Variants in CD46 observed in about 807,000 individuals in gnomAD.
CD46 encodes CD46 molecule.
CD46 carries 30 observed loss-of-function variants against 53.3 expected under a neutral mutation model. The ratio of observed to expected loss-of-function variants is 0.56; its 90% CI spans 0.42 to 0.76. The LOEUF is 0.76. Among genes scored for constraint, CD46 ranks in the 30% least tolerant of loss-of-function variants. The pLI is 0.00. For synonymous variants in CD46, 142 were observed against 152.0 expected (o/e 0.93, Z 0.48); for missense variants, 409 against 463.0 (o/e 0.88, Z 1.07).
chr1:207,756,014 G>T (rs1466712730), intron 1 of CD46, among the ~76,000 whole-genome samples: 1 of 152,150 alleles, frequency 6.6e-6, no homozygotes, highest in Non-Finnish European at 1.5e-5. Context: ...AGTTACCTGA[G>T]AGATCCATGC....
Position 207,779,913 on chromosome 1 carries a change from C to CTTTTTTTTTTTTTTTTTTTTTT in CD46, c.944-3360_944-3359insTTTTTTTTTTTTTTTTTTTTTT, listed in dbSNP as rs66758503. ...TTCTATTCTTGTAGCAAAAGCAAGTCTTTTTTTTTTTTTTTTTTTACTGTA... is the reference window on the plus strand; with the variant it reads ...TTCTATTCTTGTAGCAAAAGCAAGTCTTTTTTTTTTTTTTTTTTTTTTTTTTTTTTTTTTTTTTTTTACTGTA... On this transcript the variant is annotated intron_variant, in intron 8 of 12. Transcript: ENST00000367042. Among the ~76,000 whole-genome samples the CTTTTTTTTTTTTTTTTTTTTTT allele has an allele frequency of 1.9e-3, 120 of 62,384 alleles. 23 individuals carry two copies. The highest frequency in any genetic ancestry group is 4.9e-3 in the East Asian group (6 of 1,224). The allele number at this position is 62,384 out of a possible 152,430, so 40.9% of individuals were successfully genotyped here.
At position 207,785,105 on chromosome 1, in the gene CD46, A is replaced by G. The variant is rs747454457; in HGVS notation, c.1017A>G (p.Ile339Met). 6.2e-7 allele frequency: 1 copy of G among 1,611,048 alleles called. No individual in the cohort carries two copies. Among genetic ancestry groups the G allele is most frequent in the East Asian group, 2.2e-5 (1 of 44,854 alleles). ...TCATTGCTGTGATTGTTATTGCCAT[A>G]GGTAAGTATCACAAATTTTGACACC... Reference protein sequence around the residue: ...VWVIAVIVIAIVVGVAVICVV... With the variant: ...VWVIAVIVIAMVVGVAVICVV... The change falls in exon 10 of 13, where the codon ATA (isoleucine) becomes ATG (methionine). Residue 339 changes from isoleucine (I) to methionine (M), a missense_variant and splice_region_variant. Coordinates refer to ENST00000367042, the MANE Select transcript of CD46 (RefSeq NM_172351.3).
intron 11 of CD46, among the ~76,000 whole-genome samples, chr1:207,787,741 T>C (rs923113490): frequency 2.0e-5 from 3 of 152,224 alleles, no homozygotes; most frequent in Non-Finnish European, 4.4e-5. Context: ...ACATACTCGA[T>C]TGGAAATTCA....
intron 1 of CD46, among the ~76,000 whole-genome samples, chr1:207,756,410 A>G (rs1047866080): frequency 3.3e-5 from 5 of 152,240 alleles, no homozygotes; most frequent in Non-Finnish European, 5.9e-5. Context: ...TTAGCACAAC[A>G]TGAATCCAAA....
Position 207,788,028 on chromosome 1 carries a change from A to G in CD46, c.1083-2225A>G, listed in dbSNP as rs536748012. ...CTGCTGCTGTGCCTGGGCTACACTGACCAGGGTGTTGCCCACTACTGATGT... is the reference window on the plus strand; with the variant it reads ...CTGCTGCTGTGCCTGGGCTACACTGGCCAGGGTGTTGCCCACTACTGATGT... On this transcript the variant is annotated intron_variant, in intron 11 of 12. Transcript: ENST00000367042. Among the ~76,000 whole-genome samples, 8 of 152,276 alleles carry G rather than the reference A, an allele frequency of 5.3e-5. 1 individual carries two copies. The South Asian group carries it at 1.7e-3, about 32-fold the overall frequency.
chr1:207,793,790 C>G lies in CD46; in HGVS notation c.*313C>G. 2 of 638,484 alleles carry G rather than the reference C, an allele frequency of 3.1e-6. No individual in the cohort carries two copies. Among genetic ancestry groups the G allele is most frequent in the Non-Finnish European group, 5.8e-6 (2 of 346,416 alleles). 39.6% of individuals were successfully genotyped at this position (638,484 alleles called of 1,614,324 possible). On this transcript the variant is annotated 3_prime_UTR_variant, in exon 13 of 13. Transcript: ENST00000367042. ...GGTATGAACAGATTGCCTGCTTTCC[C>G]TTAAATAACACTTAGATTTATTGGA...
chr1:207,775,099 C>T (rs1323780773), intron 8 of CD46, among the ~76,000 whole-genome samples: 6 of 152,100 alleles, frequency 3.9e-5, no homozygotes, highest in Non-Finnish European at 8.8e-5. Context: ...ACTTTTTTCT[C>T]TAATCTTGTC....
intron 8 of CD46, among the ~76,000 whole-genome samples, chr1:207,771,671 T>G (rs1490443491): frequency 2.0e-5 from 3 of 152,354 alleles, no homozygotes; most frequent in East Asian, 3.9e-4. Flanking sequence ...CCCCATTTCT[T>G]GTTTTTGTCA....
intron 8 of CD46, among the ~76,000 whole-genome samples, chr1:207,782,000 A>G (rs1026071698): frequency 6.6e-6 from 1 of 152,046 alleles, no homozygotes; most frequent in Admixed American, 6.6e-5. Context: ...ACTAAATCTG[A>G]AGATTGCTTT....
At chr1:207,786,025 C>A (rs1659240369) in intron 11 of CD46, 1 of 217,976 alleles carries the variant, frequency 4.6e-6, no homozygotes, top group Non-Finnish European at 9.3e-6. Flanking sequence ...GCACTAATGG[C>A]CAAAATTAAA....
chr1:207,793,684 A>G lies in CD46; in HGVS notation c.*207A>G, dbSNP rs764687317. The G allele has an allele frequency of 4.9e-6, 5 of 1,030,494 alleles. No individual in the cohort carries two copies. The highest frequency in any genetic ancestry group is 1.9e-5 in the Admixed American group (1 of 53,796). 63.8% of individuals were successfully genotyped at this position (1,030,494 alleles called of 1,614,324 possible). ...CTGTAGTTTCACTCTCATGAGTGCA[A>G]CTGTGGCTTAGCTAATATTGCAATG... On this transcript the variant is annotated 3_prime_UTR_variant, in exon 13 of 13. Coordinates refer to ENST00000367042, the MANE Select transcript of CD46 (RefSeq NM_172351.3).
Position 207,767,580 on chromosome 1 carries a change from A to G in CD46, c.857-199A>G, listed in dbSNP as rs41317823. The G allele has an allele frequency of 2.2e-4, 341 of 1,583,498 alleles. No homozygotes were observed. The African/African-American group carries it at 3.9e-3, about 18-fold the overall frequency. On this transcript the variant is annotated intron_variant, in intron 6 of 12. Coordinates refer to ENST00000367042, the MANE Select transcript of CD46 (RefSeq NM_172351.3). ...GAGAGCAATAACTCCCAAGTGGTTG[A>G]TCTTCTAACATTATTTTGTTTCCTA...
chr1:207,758,791 C>T (rs1486529580), intron 3 of CD46, among the ~76,000 whole-genome samples: 1 of 152,140 alleles, frequency 6.6e-6, no homozygotes, highest in Non-Finnish European at 1.5e-5. Flanking sequence ...TCAGTTGACA[C>T]ATACTGCTTG....
chr1:207,783,103 T>C (rs898205593), intron 8 of CD46, among the ~76,000 whole-genome samples, 189 bp from the exon 9 acceptor site: 3 of 152,118 alleles, frequency 2.0e-5, no homozygotes, highest in Admixed American at 1.3e-4. Flanking sequence ...TGACATTAAA[T>C]GTAAGTTTAT....
At position 207,790,247 on chromosome 1, in the gene CD46, G is replaced by C. The variant is rs1659674408; in HGVS notation, c.1083-6G>C. 1 of 1,496,938 alleles carries C rather than the reference G, an allele frequency of 6.7e-7. No individual in the cohort carries two copies. Among genetic ancestry groups the C allele is most frequent in the African/African-American group, 1.4e-5 (1 of 72,448 alleles). The allele number at this position is 1,496,938 out of a possible 1,614,324, so 92.7% of individuals were successfully genotyped here. On this transcript the variant is annotated splice_polypyrimidine_tract_variant and splice_region_variant and intron_variant, in intron 11 of 12. Coordinates refer to ENST00000367042, the MANE Select transcript of CD46 (RefSeq NM_172351.3). ...TTATTCAGCCGTTTTCTCTTCCTCT[G>C]TTCAGCACATACCTAACTGATGAGA...
intron 8 of CD46, among the ~76,000 whole-genome samples, chr1:207,774,268 A>G (rs765224859): frequency 2.0e-5 from 3 of 151,526 alleles, no homozygotes; most frequent in Non-Finnish European, 2.9e-5. Context: ...TTTTGAGCCT[A>G]TGTGCATCTT....
At chr1:207,779,571 A>G (rs1467401150) in intron 8 of CD46, among the ~76,000 whole-genome samples, 2 of 152,050 alleles carry the variant, frequency 1.3e-5, no homozygotes, top group South Asian at 2.1e-4. Flanking sequence ...TCTTTTCCCT[A>G]ATGGCTATGA....
Position 207,767,824 on chromosome 1 carries a change from G to A in CD46, c.901+1G>A. On this transcript the variant is annotated splice_donor_variant, in intron 7 of 12. Transcript: ENST00000367042. LOFTEE classifies it high-confidence loss of function. ...AAATCTCCAGCGTCCAGTGCCTCAG[G>A]TTTAGTAATTTCCTGCTTATAGTTT... 6.2e-7 allele frequency: 1 copy of A among 1,605,726 alleles called. No individual in the cohort carries two copies. The highest frequency in any genetic ancestry group is 1.1e-5 in the South Asian group (1 of 90,716).
At chr1:207,759,423 A>G (rs1353194863) in intron 3 of CD46, among the ~76,000 whole-genome samples, 2 of 152,240 alleles carry the variant, frequency 1.3e-5, no homozygotes, top group East Asian at 1.9e-4. Context: ...TTATTTAGAC[A>G]TCTTTGCTCT....
Sources: allele counts gnomAD v4.1 joint callset (sites outside exome capture counted in the v4.1 genomes callset), GRCh38; gene constraint gnomAD v4.1.1; transcripts MANE v1.5; gene names NCBI Gene and HGNC (gene_info 2026-07-23, HGNC 2026-07-21).